Variants in NOS1AP observed in about 807,000 individuals in gnomAD.
The protein encoded by NOS1AP is carboxyl-terminal PDZ ligand of neuronal nitric oxide synthase protein.
In NOS1AP, 21 loss-of-function variants were observed where a neutral mutation model predicts 56.2. The observed-to-expected ratio is 0.37, with a 90% confidence interval of 0.26 to 0.54. The LOEUF is 0.54. Among genes scored for constraint, NOS1AP ranks in the 20% least tolerant of loss-of-function variants. NOS1AP has a pLI of 0.84. For synonymous variants in NOS1AP, 270 were observed against 274.6 expected, an observed-to-expected ratio of 0.98 and a Z score of 0.17; for missense variants, 522 against 657.8, an observed-to-expected ratio of 0.79 and a Z score of 2.26.
chr1:162,213,352 ATGGGGAGC>A (rs1237529396), intron 2 of NOS1AP, among the ~76,000 whole-genome samples: 2 of 152,106 alleles, frequency 1.3e-5, no homozygotes, highest in Non-Finnish European at 2.9e-5. Flanking sequence ...TGGTGGTTAT[ATGGGGAGC>A]TGCCTGGTCA....
chr1:162,071,478 A>G (rs1191042107), intron 1 of NOS1AP, among the ~76,000 whole-genome samples: 2 of 152,080 alleles, frequency 1.3e-5, no homozygotes, highest in African/African-American at 4.8e-5. Context: ...TCTCATGTAT[A>G]TGGGTGAATT....
chr1:162,255,487 C>A lies in NOS1AP; in HGVS notation c.178-31857C>A, dbSNP rs535788492. 3.2e-4 allele frequency among the ~76,000 whole-genome samples: 25 copies of A among 78,440 alleles called. No individual in the cohort carries two copies. The Middle Eastern group carries it at 0.031, about 98-fold the overall frequency. The allele number at this position is 78,440 out of a possible 152,430, so 51.5% of individuals were successfully genotyped here. A position where few individuals can be genotyped will look rare whatever the true frequency, so the allele number is the denominator to read the frequency against. On this transcript the variant is annotated intron_variant, in intron 2 of 9. Transcript: ENST00000361897. ...CAGATGCATAGGTTATTTGCTGCTG[C>A]TGATTTTTTTTTTTTTTTTTTTTTT...
intron 5 of NOS1AP, among the ~76,000 whole-genome samples, chr1:162,334,447 G>A (rs531530177): frequency 6.6e-6 from 1 of 152,330 alleles, no homozygotes; most frequent in Admixed American, 6.5e-5. Context: ...AAAAAGAAAA[G>A]CCATAGGCGC....
At chr1:162,182,820 C>T (rs530597501) in intron 2 of NOS1AP, among the ~76,000 whole-genome samples, 1 of 152,256 alleles carries the variant, frequency 6.6e-6, no homozygotes, top group South Asian at 2.1e-4. Flanking sequence ...CATCGTAGTT[C>T]TCTTGCTATT....
chr1:162,228,695 T>A (rs751471189), intron 2 of NOS1AP, among the ~76,000 whole-genome samples: 7 of 152,224 alleles, frequency 4.6e-5, no homozygotes, highest in Admixed American at 1.3e-4. Flanking sequence ...AGGTTCCTTT[T>A]CTCTACCCCG....
At chr1:162,325,423 G>A (rs1433659611) in intron 4 of NOS1AP, among the ~76,000 whole-genome samples, 1 of 152,240 alleles carries the variant, frequency 6.6e-6, no homozygotes, top group South Asian at 2.1e-4. Context: ...TAGGAGTAAG[G>A]GGTGCATTCT....
intron 2 of NOS1AP, among the ~76,000 whole-genome samples, chr1:162,283,050 A>G (rs1428074191): frequency 6.9e-6 from 1 of 144,042 alleles, no homozygotes; most frequent in Non-Finnish European, 1.5e-5. Flanking sequence ...AGAACCAAGG[A>G]TCCTGTTTTC....
intron 4 of NOS1AP, among the ~76,000 whole-genome samples, chr1:162,318,718 A>T (rs918274353): frequency 6.6e-6 from 1 of 151,626 alleles, no homozygotes; most frequent in Admixed American, 6.6e-5. Context: ...ATCCCAGTCT[A>T]TGCTCCTCTG....
chr1:162,325,574 G>A (rs1034579146), intron 4 of NOS1AP, among the ~76,000 whole-genome samples: 1 of 152,118 alleles, frequency 6.6e-6, no homozygotes, highest in African/African-American at 2.4e-5. Flanking sequence ...GACGCTTAGG[G>A]AACCCTTCTT....
intron 2 of NOS1AP, among the ~76,000 whole-genome samples, chr1:162,195,386 A>G (rs1293981503): frequency 6.6e-6 from 1 of 151,972 alleles, no homozygotes; most frequent in Non-Finnish European, 1.5e-5. Context: ...CTACGAGGCC[A>G]TACTCCTAGA....
intron 1 of NOS1AP, among the ~76,000 whole-genome samples, chr1:162,083,267 C>T (rs1691931001): frequency 6.6e-6 from 1 of 152,170 alleles, no homozygotes; most frequent in Non-Finnish European, 1.5e-5. Context: ...GGAAGAAGCA[C>T]TCGTGTAGAA....
chr1:162,148,748 T>A (rs1217908984), intron 1 of NOS1AP, among the ~76,000 whole-genome samples: 1 of 152,220 alleles, frequency 6.6e-6, no homozygotes. Flanking sequence ...GAGATCACTC[T>A]GGCAGCTTCA....
chr1:162,217,814 G>T (rs935297619), intron 2 of NOS1AP, among the ~76,000 whole-genome samples: 1 of 152,170 alleles, frequency 6.6e-6, no homozygotes, highest in African/African-American at 2.4e-5. Context: ...TTAACCTGCT[G>T]CCTGGTTTAT....
chr1:162,271,432 C>T (rs75205261), intron 2 of NOS1AP, among the ~76,000 whole-genome samples: 90 of 152,102 alleles, frequency 5.9e-4, no homozygotes, highest in African/African-American at 2.1e-3. Flanking sequence ...GAGCACCAGC[C>T]GAGGCTAAAT....
Position 162,289,950 on chromosome 1 carries a change from G to A in NOS1AP, c.270+2514G>A, listed in dbSNP as rs145198562. On this transcript the variant is annotated intron_variant, in intron 3 of 9. Transcript: ENST00000361897. ...TGTCTCTCCCATGTACCTTTACCAC[G>A]TGTGGTGGCTTCCCCATTGTGCATG... Among the ~76,000 whole-genome samples the A allele has an allele frequency of 3.9e-4, 59 of 152,186 alleles. No individual in the cohort carries two copies. In the East Asian group the frequency reaches 8.5e-3, roughly 22 times the overall value.
rs373959930 is a variant in NOS1AP at position 162,261,289 on chromosome 1, C to T, written c.178-26055C>T. On this transcript the variant is annotated intron_variant, in intron 2 of 9. Transcript: ENST00000361897. The stretch of plus-strand genomic sequence containing the variant: ...AACATTTAATTACAATATTTTATAA[C>T]CTTTCATGTCCCCTTGTTCTTAAAC... Among the ~76,000 whole-genome samples the T allele has an allele frequency of 1.9e-3, 261 of 137,954 alleles. 27 individuals carry two copies. Among genetic ancestry groups the T allele is most frequent in the Non-Finnish European group, 3.4e-3 (219 of 65,296 alleles). 90.5% of individuals were successfully genotyped at this position (137,954 alleles called of 152,430 possible).
At chr1:162,154,565 G>A in intron 2 of NOS1AP, 89 bp downstream of exon 2, 1 of 1,229,098 alleles carries the variant, frequency 8.1e-7, no homozygotes, top group Non-Finnish European at 1.2e-6. Flanking sequence ...GGCCAAAATG[G>A]ATGGCTACAC....
At chr1:162,289,371 C>G (rs1407707015) in intron 3 of NOS1AP, among the ~76,000 whole-genome samples, 1 of 151,242 alleles carries the variant, frequency 6.6e-6, no homozygotes, top group Admixed American at 6.6e-5. Context: ...AATCTTGGCT[C>G]ACTGCAACCT....
chr1:162,182,839 A>C (rs1034578508), intron 2 of NOS1AP, among the ~76,000 whole-genome samples: 2 of 152,176 alleles, frequency 1.3e-5, no homozygotes, highest in Non-Finnish European at 2.9e-5. Flanking sequence ...TTTCTGTTAC[A>C]TGTGCAGTTA....
Sources: gnomAD v4.1 joint callset for allele counts (sites outside exome capture counted in the v4.1 genomes callset) on GRCh38, gnomAD v4.1.1 for gene constraint, MANE v1.5 for transcripts, NCBI Gene and HGNC (gene_info 2026-07-23, HGNC 2026-07-21) for gene names.